Variants in GRXCR2 observed in about 807,000 individuals in gnomAD.
GRXCR2 encodes the protein glutaredoxin domain-containing cysteine-rich protein 2.
Under a neutral mutation model 24.8 loss-of-function variants are expected in GRXCR2, and 23 were observed. That is an observed-to-expected ratio of 0.93 (90% CI 0.67 to 1.32). The LOEUF (loss-of-function observed/expected upper bound fraction) is 1.32, where lower values mean the gene tolerates loss of function less well. GRXCR2 is among the 40% of genes most tolerant of loss of function. GRXCR2 has a pLI of 0.00. For missense variants in GRXCR2, 315 were observed against 303.4 expected (o/e 1.04, Z -0.28); for synonymous variants, 130 against 116.1 (o/e 1.12, Z -0.77).
intron 1 of GRXCR2, among the ~76,000 whole-genome samples, chr5:145,868,997 T>C (rs909602710): frequency 1.3e-5 from 2 of 152,234 alleles, no homozygotes; most frequent in Admixed American, 1.3e-4. Flanking sequence ...TCCTTACTAG[T>C]GCACAGAATG....
At chr5:145,894,204 TAAC>T in intron 2 of GRXCR2, among the ~76,000 whole-genome samples, 1 of 152,152 alleles carries the variant, frequency 6.6e-6, no homozygotes, top group East Asian at 1.9e-4. Context: ...ATTGACACCC[TAAC>T]ATCACAATTA....
intron 2 of GRXCR2, among the ~76,000 whole-genome samples, chr5:145,930,817 T>C (rs1018442817): frequency 6.6e-6 from 1 of 152,220 alleles, no homozygotes; most frequent in African/African-American, 2.4e-5. Context: ...GAAGCCTACA[T>C]CTATTAAGCA....
intron 2 of GRXCR2, among the ~76,000 whole-genome samples, chr5:145,915,787 CTGTG>C (rs1303006118): frequency 6.6e-6 from 1 of 151,750 alleles, no homozygotes; most frequent in Non-Finnish European, 1.5e-5. Context: ...CATTAGAAGG[CTGTG>C]TGTCTTTGGA....
At chr5:145,880,105 T>A (rs1581338089) in intron 2 of GRXCR2, among the ~76,000 whole-genome samples, 1 of 151,910 alleles carries the variant, frequency 6.6e-6, no homozygotes, top group East Asian at 1.9e-4. Flanking sequence ...AGATCTAAAA[T>A]CAACACCCTA....
chr5:145,912,613 G>C (rs932941766), intron 2 of GRXCR2, among the ~76,000 whole-genome samples: 2 of 152,176 alleles, frequency 1.3e-5, no homozygotes, highest in Non-Finnish European at 2.9e-5. Flanking sequence ...AAGCGAAGGA[G>C]AGTGACAGAC....
intron 2 of GRXCR2, among the ~76,000 whole-genome samples, chr5:145,915,820 T>G (rs1757229464): frequency 6.6e-6 from 1 of 152,056 alleles, no homozygotes; most frequent in South Asian, 2.1e-4. Flanking sequence ...TGTGCCTCAG[T>G]TTTTCTCATC....
At chr5:145,874,325 T>A (rs1055227140), upstream of GRXCR2, among the ~76,000 whole-genome samples, 1 of 151,912 alleles carries the variant, frequency 6.6e-6, no homozygotes, top group Non-Finnish European at 1.5e-5. Context: ...TGCCTCAGCC[T>A]CCCGAGTAGC....
chr5:145,922,888 A>G (rs1221908255), intron 2 of GRXCR2, among the ~76,000 whole-genome samples: 1 of 152,218 alleles, frequency 6.6e-6, no homozygotes, highest in Non-Finnish European at 1.5e-5. Context: ...TTCCTAATGT[A>G]AGGCCAGTGT....
In GRXCR2 at chr5:145,878,169, C is replaced by T. The variant is rs141606668; in HGVS notation, c.-69-11441G>A. ...AAGGATCACACCTTCTCACCAGCAA[C>T]GGATCAAAGCTGGATGGAGAATGAC... On this transcript the variant is annotated intron_variant, in intron 2 of 3. Transcript: ENST00000639411. Among the ~76,000 whole-genome samples the T allele has an allele frequency of 2.1e-3, 315 of 152,276 alleles. 2 individuals are homozygous for T. Among genetic ancestry groups the T allele is most frequent in the Admixed American group, 4.0e-3 (61 of 15,300 alleles).
upstream of GRXCR2, among the ~76,000 whole-genome samples, chr5:145,874,085 G>A (rs575564272): frequency 6.6e-6 from 1 of 152,194 alleles, no homozygotes; most frequent in African/African-American, 2.4e-5. Context: ...GGAGCTGAAA[G>A]TGGAGTAAAG....
intron 2 of GRXCR2, among the ~76,000 whole-genome samples, chr5:145,878,977 A>G (rs937816985): frequency 6.6e-6 from 1 of 152,220 alleles, no homozygotes; most frequent in Non-Finnish European, 1.5e-5. Context: ...TAAAATCTTT[A>G]CAGACAAGCA....
rs934138197 is a variant in GRXCR2 at position 145,889,254 on chromosome 5, A to G, written c.-69-22526T>C. Among the ~76,000 whole-genome samples, 3 of 151,282 alleles carry G rather than the reference A, an allele frequency of 2.0e-5. No homozygotes were observed. The South Asian group carries it at 6.3e-4, about 32-fold the overall frequency. ...AAAGAAAGAAAGAAAGAATTATGCA[A>G]TGGACTCTGGGGACTTGGGGGGAAG... On this transcript the variant is annotated intron_variant, in intron 2 of 3. Coordinates refer to the GRXCR2 transcript ENST00000639411.
At chr5:145,886,713 A>G (rs930674822) in intron 2 of GRXCR2, among the ~76,000 whole-genome samples, 1 of 152,208 alleles carries the variant, frequency 6.6e-6, no homozygotes, top group Non-Finnish European at 1.5e-5. Flanking sequence ...AATGTAAGCC[A>G]CATACATATT....
At chr5:145,869,144 C>A (rs1358180880) in intron 1 of GRXCR2, among the ~76,000 whole-genome samples, 1 of 152,206 alleles carries the variant, frequency 6.6e-6, no homozygotes, top group Non-Finnish European at 1.5e-5. Flanking sequence ...ACTAGAAATT[C>A]AGTGGGCTTT....
chr5:145,898,533 TA>T (rs1236832233), intron 2 of GRXCR2, among the ~76,000 whole-genome samples: 2 of 152,016 alleles, frequency 1.3e-5, no homozygotes, highest in African/African-American at 2.4e-5. Flanking sequence ...AAAAATCCTT[TA>T]AAAAATACTA....
rs1242664230 is a variant in GRXCR2, at chr5:145,925,319, T to C, written c.-70+10382A>G. On this transcript the variant is annotated intron_variant, in intron 2 of 3. Transcript: ENST00000639411. ...CAGAAAGAATTCAGATATTGTCAAT[T>C]AATATCTATATCTTTTGAGCACTTT... Among the ~76,000 whole-genome samples the C allele has an allele frequency of 2.0e-5, 3 of 152,298 alleles. No homozygotes were observed. In the East Asian group the frequency reaches 5.8e-4, roughly 29 times the overall value.
chr5:145,892,416 A>G (rs1050511712), intron 2 of GRXCR2, among the ~76,000 whole-genome samples: 1 of 152,238 alleles, frequency 6.6e-6, no homozygotes, highest in Non-Finnish European at 1.5e-5. Flanking sequence ...AACTAGAATA[A>G]CCAATGCAGA....
chr5:145,929,562 G>T (rs1372452261), intron 2 of GRXCR2, among the ~76,000 whole-genome samples: 8 of 151,964 alleles, frequency 5.3e-5, no homozygotes, highest in African/African-American at 1.5e-4. Context: ...ACTGGCTTTG[G>T]CACAATACAA....
intron 2 of GRXCR2, among the ~76,000 whole-genome samples, chr5:145,921,945 C>G (rs1483509870): frequency 1.3e-5 from 2 of 151,992 alleles, no homozygotes; most frequent in Non-Finnish European, 2.9e-5. Flanking sequence ...TTTATAGATT[C>G]AAGGAGACAT....
Sources: gnomAD v4.1 joint callset for allele counts (sites outside exome capture counted in the v4.1 genomes callset) on GRCh38, gnomAD v4.1.1 for gene constraint, MANE v1.5 for transcripts, NCBI Gene and HGNC (gene_info 2026-07-23, HGNC 2026-07-21) for gene names.